The following SSH2 variants were observed in gnomAD, a reference collection of about 807,000 sequenced individuals.
The protein encoded by SSH2 is slingshot protein phosphatase 2.
SSH2 carries 37 observed loss-of-function variants against 135.2 expected under a neutral mutation model. The ratio of observed to expected loss-of-function variants is 0.27; its 90% CI spans 0.21 to 0.36. SSH2 has a LOEUF of 0.36. SSH2 is among the 10% of genes least tolerant of loss of function. The pLI is 1.00. For synonymous variants in SSH2, 628 were observed against 646.2 expected, an observed-to-expected ratio of 0.97 and a Z score of 0.43; for missense variants, 1,408 against 1,765.3, an observed-to-expected ratio of 0.80 and a Z score of 3.63.
chr17:29,924,087 C>G (rs569649132), intron 1 of SSH2, among the ~76,000 whole-genome samples: 1 of 152,176 alleles, frequency 6.6e-6, no homozygotes, highest in East Asian at 1.9e-4. Context: ...TTCTGTACTT[C>G]TCTGTATTTC....
chr17:29,753,293 G>A (rs2041007651), intron 3 of SSH2, among the ~76,000 whole-genome samples: 1 of 151,710 alleles, frequency 6.6e-6, no homozygotes, highest in Non-Finnish European at 1.5e-5. Flanking sequence ...ATCATGCCCA[G>A]CTAATTTTTG....
At chr17:29,690,099 CTT>C (rs2038400674) in intron 5 of SSH2, among the ~76,000 whole-genome samples, 1 of 149,936 alleles carries the variant, frequency 6.7e-6, no homozygotes, top group Non-Finnish European at 1.5e-5. Context: ...TAAACTGTAA[CTT>C]TGCCTTTAAT....
intron 3 of SSH2, among the ~76,000 whole-genome samples, chr17:29,788,598 C>A (rs1286033537): frequency 6.6e-6 from 1 of 151,522 alleles, no homozygotes; most frequent in African/African-American, 2.4e-5. Context: ...TTTTTTCTTT[C>A]TTTCCCTCAC....
intron 14 of SSH2, among the ~76,000 whole-genome samples, chr17:29,644,378 C>T (rs1349221965): frequency 6.6e-6 from 1 of 152,230 alleles, no homozygotes; most frequent in Non-Finnish European, 1.5e-5. Flanking sequence ...GTGCCTTTCT[C>T]TAACAAGAGT....
intron 1 of SSH2, chr17:29,928,657 C>T (rs980895106): frequency 1.0e-5 from 4 of 397,778 alleles, no homozygotes; most frequent in Non-Finnish European, 1.8e-5. Flanking sequence ...TTTCATCACA[C>T]AAAATGCAAT....
At chr17:29,671,704 G>A (rs1296977378) in intron 9 of SSH2, among the ~76,000 whole-genome samples, 2 of 152,206 alleles carry the variant, frequency 1.3e-5, no homozygotes, top group Admixed American at 6.5e-5. Context: ...TCGTATTGAA[G>A]TTTTTGACTA....
At chr17:29,655,247 G>A (rs1457481482) in intron 12 of SSH2, among the ~76,000 whole-genome samples, 1 of 152,018 alleles carries the variant, frequency 6.6e-6, no homozygotes, top group African/African-American at 2.4e-5. Context: ...GGGACTACAG[G>A]CGCCCGCCAC....
At chr17:29,766,275 G>T (rs1465976249) in intron 3 of SSH2, among the ~76,000 whole-genome samples, 1 of 151,526 alleles carries the variant, frequency 6.6e-6, no homozygotes, top group Admixed American at 6.6e-5. Context: ...CAGGAGAATT[G>T]CTTGAACCCA....
At chr17:29,771,732 T>C (rs1377552881) in intron 3 of SSH2, among the ~76,000 whole-genome samples, 4 of 152,178 alleles carry the variant, frequency 2.6e-5, no homozygotes, top group Admixed American at 6.6e-5. Flanking sequence ...CACAGCAGGA[T>C]TGATTCAGCC....
chr17:29,907,150 G>A (rs1366371997), intron 1 of SSH2, among the ~76,000 whole-genome samples: 1 of 152,142 alleles, frequency 6.6e-6, no homozygotes, highest in Non-Finnish European at 1.5e-5. Flanking sequence ...AGAAAATGTG[G>A]TACATACATA....
intron 3 of SSH2, chr17:29,716,282 T>C (rs2039619034): frequency 4.9e-6 from 2 of 405,694 alleles, no homozygotes; most frequent in Middle Eastern, 7.5e-4. Context: ...TTTATTACAG[T>C]TGAACCCAGG....
chr17:29,761,102 C>CA, intron 3 of SSH2: 1 of 1,286,630 alleles, frequency 7.8e-7, no homozygotes, highest in Non-Finnish European at 1.0e-6. Context: ...GCTGAAAGAG[C>CA]AAACTTTCTG....
chr17:29,637,715 G>A (rs1398414420), intron 14 of SSH2, among the ~76,000 whole-genome samples: 1 of 152,030 alleles, frequency 6.6e-6, no homozygotes, highest in Non-Finnish European at 1.5e-5. Flanking sequence ...CCAGGAGGGT[G>A]AGGATGCAGT....
intron 7 of SSH2, 46 bp from the exon 8 acceptor site, chr17:29,676,931 G>A (rs1481385132): frequency 5.9e-6 from 9 of 1,535,004 alleles, no homozygotes; most frequent in Non-Finnish European, 8.1e-6. Context: ...ATTAGGGTAG[G>A]TTATTTGAAT....
In SSH2 at chr17:29,628,472, T is replaced by C. The variant is rs1329904298; in HGVS notation, c.*2369A>G. The C allele has an allele frequency of 6.6e-6, 1 of 152,142 alleles. No homozygotes were observed. Among genetic ancestry groups the C allele is most frequent in the African/African-American group, 2.4e-5 (1 of 41,426 alleles). The allele number at this position is 152,142 out of a possible 1,614,324, so 9.4% of individuals were successfully genotyped here. On this transcript the variant is annotated 3_prime_UTR_variant, in exon 16 of 16. Transcript: ENST00000540801. ...CCTCTTAGTGTGTGGGATGTCATCA[T>C]CGTAAGGGGTTACCACAAGTGGATG... is the stretch of plus-strand genomic sequence containing the variant.
intron 2 of SSH2, among the ~76,000 whole-genome samples, chr17:29,802,907 T>C (rs1599020518): frequency 6.6e-6 from 1 of 152,208 alleles, no homozygotes; most frequent in East Asian, 1.9e-4. Flanking sequence ...TATCCATCAG[T>C]TACCTCAGCC....
chr17:29,724,841 CG>C (rs1463916757), intron 3 of SSH2, among the ~76,000 whole-genome samples: 1 of 151,368 alleles, frequency 6.6e-6, no homozygotes. Context: ...CCACCCACCT[CG>C]GCCTCCCAAA....
intron 4 of SSH2, among the ~76,000 whole-genome samples, chr17:29,697,098 T>G (rs1490880861): frequency 1.3e-5 from 2 of 152,206 alleles, no homozygotes; most frequent in African/African-American, 4.8e-5. Flanking sequence ...CTTATACATC[T>G]TGTCAAACTA....
intron 2 of SSH2, among the ~76,000 whole-genome samples, chr17:29,818,847 G>A (rs1457690524): frequency 6.6e-6 from 1 of 151,726 alleles, no homozygotes; most frequent in Non-Finnish European, 1.5e-5. Context: ...CAACACTTTG[G>A]AAGGCTGAGA....
Sources: allele counts gnomAD v4.1 joint callset (sites outside exome capture counted in the v4.1 genomes callset), GRCh38; gene constraint gnomAD v4.1.1; transcripts MANE v1.5; gene names NCBI Gene and HGNC (gene_info 2026-07-23, HGNC 2026-07-21).